Variants in ASTN2 observed in about 807,000 individuals in gnomAD.
ASTN2 encodes astrotactin 2.
ASTN2 carries 54 observed loss-of-function variants against 139.8 expected under a neutral mutation model. That is an observed-to-expected ratio of 0.39 (90% CI 0.31 to 0.48). ASTN2 has a LOEUF of 0.48. Ranked by LOEUF, ASTN2 falls within the 20% of genes least tolerant of loss-of-function variation. The pLI is 0.95. For missense variants in ASTN2, 1,565 were observed against 1,725.1 expected, an observed-to-expected ratio of 0.91 and a Z score of 1.64; for synonymous variants, 756 against 719.5, an observed-to-expected ratio of 1.05 and a Z score of -0.81.
At chr9:116,432,883 T>C (rs1847541616) in intron 22 of ASTN2, among the ~76,000 whole-genome samples, 1 of 151,218 alleles carries the variant, frequency 6.6e-6, no homozygotes. Context: ...TGAGCTGAGA[T>C]TGCACCACTG....
intron 6 of ASTN2, among the ~76,000 whole-genome samples, chr9:117,016,644 A>AGGT (rs1291242845): frequency 3.2e-5 from 3 of 94,926 alleles, no homozygotes; most frequent in South Asian, 3.6e-4. Context: ...ATATATATAT[A>AGGT]TATATATATA....
At position 116,596,141 on chromosome 9, in the gene ASTN2, C is replaced by A. The variant is rs149526531; in HGVS notation, c.3355+22183G>T. ...TGCCATTTGAAATGACATGAATGAA[C>A]CTAAAGGACGTTATGCTGAGTATAA... On this transcript the variant is annotated intron_variant, in intron 19 of 22. Coordinates refer to ENST00000313400, the MANE Select transcript of ASTN2 (RefSeq NM_001365068.1). Among the ~76,000 whole-genome samples, 700 of 152,088 alleles carry A rather than the reference C, an allele frequency of 4.6e-3. 5 individuals are homozygous for A. Among genetic ancestry groups the A allele is most frequent in the African/African-American group, 0.016 (666 of 41,468 alleles).
chr9:117,003,605 C>G (rs1837258686), intron 7 of ASTN2, among the ~76,000 whole-genome samples: 2 of 122,096 alleles, frequency 1.6e-5, no homozygotes, highest in Admixed American at 1.9e-4. Context: ...TTCAAACTGG[C>G]TAACACACAC....
intron 19 of ASTN2, among the ~76,000 whole-genome samples, chr9:116,512,819 T>G (rs1464245736): frequency 6.6e-6 from 1 of 152,204 alleles, no homozygotes; most frequent in African/African-American, 2.4e-5. Flanking sequence ...AGTCTAGGAT[T>G]GCAACCCCTG....
intron 16 of ASTN2, among the ~76,000 whole-genome samples, chr9:116,702,563 T>C (rs1588223835): frequency 6.6e-6 from 1 of 152,156 alleles, no homozygotes; most frequent in East Asian, 1.9e-4. Context: ...TGTAACATGG[T>C]GCCTAGTATA....
chr9:116,983,342 A>T (rs1332873133), intron 7 of ASTN2, among the ~76,000 whole-genome samples: 3 of 152,204 alleles, frequency 2.0e-5, no homozygotes, highest in Admixed American at 2.0e-4. Context: ...GTGGTATGTG[A>T]CATTTGACAT....
chr9:116,789,156 C>T (rs1022207011), intron 13 of ASTN2, among the ~76,000 whole-genome samples: 9 of 152,126 alleles, frequency 5.9e-5, no homozygotes, highest in East Asian at 3.9e-4. Context: ...CTCTGAACCA[C>T]GGCATGACAA....
At chr9:116,946,435 C>T (rs577816319) in intron 10 of ASTN2, among the ~76,000 whole-genome samples, 91 of 152,164 alleles carry the variant, frequency 6.0e-4, no homozygotes, top group African/African-American at 2.1e-3. Context: ...CTCCCCTCTC[C>T]TTCTTTCACT....
intron 7 of ASTN2, among the ~76,000 whole-genome samples, chr9:116,995,345 T>A (rs1413858810): frequency 6.6e-6 from 1 of 152,178 alleles, no homozygotes; most frequent in Non-Finnish European, 1.5e-5. Context: ...ATGAGGCCCA[T>A]AGAGAAAAGG....
chr9:117,158,963 G>T (rs943576014), intron 3 of ASTN2, among the ~76,000 whole-genome samples: 8 of 151,712 alleles, frequency 5.3e-5, no homozygotes, highest in Non-Finnish European at 1.0e-4. Flanking sequence ...TGTCCTCTTG[G>T]ATGTACCTGG....
intron 19 of ASTN2, among the ~76,000 whole-genome samples, chr9:116,605,351 A>C (rs934298815): frequency 5.3e-5 from 8 of 152,126 alleles, no homozygotes; most frequent in Non-Finnish European, 1.0e-4. Context: ...ACAGAGCCAG[A>C]TGGCCTTCCA....
At chr9:117,086,139 C>T (rs1181253509) in intron 5 of ASTN2, among the ~76,000 whole-genome samples, 1 of 152,086 alleles carries the variant, frequency 6.6e-6, no homozygotes, top group African/African-American at 2.4e-5. Context: ...CTTGTTGAAC[C>T]CATTTCTATT....
At chr9:117,021,856 C>T (rs920267326) in intron 6 of ASTN2, among the ~76,000 whole-genome samples, 3 of 152,168 alleles carry the variant, frequency 2.0e-5, no homozygotes, top group Non-Finnish European at 2.9e-5. Flanking sequence ...GCACCCGACA[C>T]ATAATAAATG....
chr9:117,023,408 T>C (rs573832972), intron 6 of ASTN2, among the ~76,000 whole-genome samples: 3 of 152,248 alleles, frequency 2.0e-5, no homozygotes, highest in Admixed American at 1.3e-4. Context: ...CAACTTCACA[T>C]GTTCCTTTAA....
intron 11 of ASTN2, among the ~76,000 whole-genome samples, chr9:116,845,258 G>C (rs999895668): frequency 2.6e-5 from 4 of 152,156 alleles, no homozygotes; most frequent in Non-Finnish European, 4.4e-5. Flanking sequence ...GGGACTACAG[G>C]CGCCTGCCAC....
At chr9:116,639,776 C>T (rs1796848226) in intron 17 of ASTN2, among the ~76,000 whole-genome samples, 1 of 152,180 alleles carries the variant, frequency 6.6e-6, no homozygotes, top group South Asian at 2.1e-4. Context: ...GCTGGCTACA[C>T]TCTCTGAGTC....
chr9:116,855,682 A>G (rs967251775), intron 11 of ASTN2, among the ~76,000 whole-genome samples: 1 of 152,170 alleles, frequency 6.6e-6, no homozygotes, highest in African/African-American at 2.4e-5. Flanking sequence ...TGATGAATTA[A>G]GAGAATGAGC....
chr9:116,635,652 C>T (rs533669829), intron 17 of ASTN2, among the ~76,000 whole-genome samples: 4 of 152,276 alleles, frequency 2.6e-5, no homozygotes, highest in African/African-American at 7.2e-5. Flanking sequence ...GCACCTGCTA[C>T]GTTATACTTC....
intron 1 of ASTN2, among the ~76,000 whole-genome samples, chr9:117,339,449 G>T (rs1564154490): frequency 6.6e-6 from 1 of 151,974 alleles, no homozygotes; most frequent in Non-Finnish European, 1.5e-5. Context: ...CACACACACA[G>T]TCCGCTGCTG....
Sources: gnomAD v4.1 joint callset for allele counts (sites outside exome capture counted in the v4.1 genomes callset) on GRCh38, gnomAD v4.1.1 for gene constraint, MANE v1.5 for transcripts, NCBI Gene and HGNC (gene_info 2026-07-23, HGNC 2026-07-21) for gene names.